The following MYOC variants were observed in gnomAD, a reference collection of about 807,000 sequenced individuals.
The protein encoded by MYOC is myocilin.
MYOC carries 29 observed loss-of-function variants against 28.2 expected under a neutral mutation model. That is an observed-to-expected ratio of 1.03 (90% CI 0.77 to 1.40). MYOC has a LOEUF of 1.40. Ranked by LOEUF, MYOC falls within the 40% of genes most tolerant of loss-of-function variation. MYOC has a pLI of 0.00. For synonymous variants in MYOC, 240 were observed against 245.6 expected (o/e 0.98, Z 0.21); for missense variants, 569 against 620.6 (o/e 0.92, Z 0.88).
intron 1 of MYOC, 47 bp from the exon 2 acceptor site, chr1:171,638,769 C>T: frequency 6.2e-7 from 1 of 1,607,196 alleles, no homozygotes; most frequent in Non-Finnish European, 8.5e-7. Flanking sequence ...AAAAAATGGC[C>T]CAAGGATTGA....
In MYOC at chr1:171,652,274, G is replaced by A; in HGVS notation, c.338C>T (p.Thr113Ile). The A allele has an allele frequency of 6.2e-7, 1 of 1,613,648 alleles. No homozygotes were observed. The highest frequency in any genetic ancestry group is 1.1e-5 in the South Asian group (1 of 91,054). ...CAGCTCCCTCTGCAGCCCCTCCTGG[G>A]TCTCCTGGGGCCTGGCAGCCTGGTC... is the stretch of plus-strand genomic sequence containing the variant. ...TLDQAARPQE[T>I]QEGLQRELGT... Residue 113 changes from threonine to isoleucine, a missense_variant, in exon 1 of 3, where the codon ACC becomes ATC. Physicochemically the swap from Thr to Ile is moderately conservative, Grantham distance 89. Transcript: ENST00000037502.
rs931483820 is a variant in MYOC, at chr1:171,640,658, C to T, written c.605-1936G>A. The stretch of plus-strand genomic sequence containing the variant: ...CTGAGGTGGGAGGATCACTTGAGAC[C>T]GGGAGGTCAAGGCTGTGGTGAGCAG... On this transcript the variant is annotated intron_variant, in intron 1 of 2. Transcript: ENST00000037502. Among the ~76,000 whole-genome samples the T allele has an allele frequency of 4.6e-5, 7 of 152,198 alleles. No homozygotes were observed. In the South Asian group the frequency reaches 8.3e-4, roughly 18 times the overall value.
chr1:171,640,834 A>G (rs1558087270), intron 1 of MYOC, among the ~76,000 whole-genome samples: 2 of 152,312 alleles, frequency 1.3e-5, no homozygotes, highest in South Asian at 4.1e-4. Flanking sequence ...CCCAGGAGGC[A>G]ATTGTCACTG....
At position 171,636,144 on chromosome 1, in the gene MYOC, G is replaced by A. The variant is rs773351548; in HGVS notation, c.1296C>T (p.Ile432=). The A allele has an allele frequency of 1.2e-6, 2 of 1,614,212 alleles. No individual in the cohort carries two copies. The highest frequency in any genetic ancestry group is 1.7e-6 in the Non-Finnish European group (2 of 1,180,038). The stretch of plus-strand genomic sequence containing the variant: ...TGCTGACGGTGTACAAGGTGCCACA[G>A]ATGATGAAGGCATTGGCGACTGACT... ...RKQSVANAFI[I]CGTLYTVSSY... is the part of the protein sequence containing the mutation. Residue 432 remains isoleucine, a synonymous_variant, in exon 3 of 3, where the codon ATC becomes ATT. Transcript: ENST00000037502.
At position 171,635,921 on chromosome 1, in the gene MYOC, C is replaced by G. The variant is rs750800370; in HGVS notation, c.*4G>C. Reference sequence around the variant, plus strand: ...TGCCATTGCCTGTACAGCTTGGAGGCTTTTCACATCTTGGAGAGCTTGATG... The same window carrying G: ...TGCCATTGCCTGTACAGCTTGGAGGGTTTTCACATCTTGGAGAGCTTGATG... On this transcript the variant is annotated 3_prime_UTR_variant, in exon 3 of 3. Coordinates refer to ENST00000037502, the MANE Select transcript of MYOC (RefSeq NM_000261.2). The G allele has an allele frequency of 2.5e-6, 4 of 1,614,048 alleles. No individual in the cohort carries two copies. The African/African-American group carries it at 5.3e-5, about 22-fold the overall frequency.
In MYOC at chr1:171,636,507, G is replaced by T. The variant is rs1268169520; in HGVS notation, c.933C>A (p.Tyr311Ter). 6.2e-7 allele frequency: 1 copy of T among 1,611,662 alleles called. No homozygotes were observed. The highest frequency in any genetic ancestry group is 1.7e-5 in the Admixed American group (1 of 59,762). Residue 311 changes from tyrosine to a stop codon, truncating the protein, a stop_gained, in exon 3 of 3, where the codon TAC (tyrosine) becomes TAA (stop). Coordinates refer to ENST00000037502, the MANE Select transcript of MYOC (RefSeq NM_000261.2). LOFTEE classifies it low-confidence loss of function (END_TRUNC). ...TAGGCAGTATGTGAACCTTAGAAGG[G>T]TAGCCCTGCATAAACTGGCTGATGA... ...YDLISQFMQG[Y>*]PSKVHILPRP... is the part of the protein sequence containing the mutation.
In MYOC at chr1:171,636,266, A is replaced by T; in HGVS notation, c.1174T>A (p.Tyr392Asn). 1 of 1,614,146 alleles carries T rather than the reference A, an allele frequency of 6.2e-7. No homozygotes were observed. The highest frequency in any genetic ancestry group is 1.1e-5 in the South Asian group (1 of 91,082). ...AVDEAGLWVI[Y>N]STDEAKGAIV... Reference sequence around the variant, plus strand: ...GCACCTTTGGCCTCATCGGTGCTGTAAATGACCCAGAGGCCTGCTTCATCC... The same window carrying T: ...GCACCTTTGGCCTCATCGGTGCTGTTAATGACCCAGAGGCCTGCTTCATCC... The change falls in exon 3 of 3, where the codon TAC (tyrosine) becomes AAC (asparagine). Residue 392 changes from tyrosine to asparagine, a missense_variant. By Grantham distance (143) the Tyr-to-Asn change is moderately radical. Transcript: ENST00000037502.
In MYOC at chr1:171,636,078, G is replaced by A; in HGVS notation, c.1362C>T (p.Asp454=). 6.2e-7 allele frequency: 1 copy of A among 1,614,208 alleles called. No homozygotes were observed. Among genetic ancestry groups the A allele is most frequent in the Non-Finnish European group, 8.5e-7 (1 of 1,180,036 alleles). ...SADATVNFAY[D]TGTGISKTLT... Reference sequence around the variant, plus strand: ...GGGTCTTGCTGATACCTGTGCCTGTGTCATAAGCAAAGTTGACGGTAGCAT... The same window carrying A: ...GGGTCTTGCTGATACCTGTGCCTGTATCATAAGCAAAGTTGACGGTAGCAT... Residue 454 remains aspartate (D), a synonymous_variant, in exon 3 of 3, where the codon GAC becomes GAT. Transcript: ENST00000037502.
intron 1 of MYOC, among the ~76,000 whole-genome samples, chr1:171,639,946 G>GGAAA (rs1448617483): frequency 2.1e-5 from 1 of 46,980 alleles, no homozygotes; most frequent in African/African-American, 9.4e-5. Context: ...TCTGTCTCAA[G>GGAAA]AAAAAAAAAA....
Position 171,651,609 on chromosome 1 carries a change from A to G in MYOC, c.604+399T>C, listed in dbSNP as rs193071689. Among the ~76,000 whole-genome samples, 42 of 152,360 alleles carry G rather than the reference A, an allele frequency of 2.8e-4. No homozygotes were observed. In the East Asian group the frequency reaches 6.4e-3, roughly 23 times the overall value. The stretch of plus-strand genomic sequence containing the variant: ...CATTTCCCAAATCTATTGTAATTTC[A>G]TAAATAAAGGTCATTTTAACATCAA... On this transcript the variant is annotated intron_variant, in intron 1 of 2. Coordinates refer to ENST00000037502, the MANE Select transcript of MYOC (RefSeq NM_000261.2).
intron 1 of MYOC, among the ~76,000 whole-genome samples, chr1:171,644,200 A>C (rs1653144708): frequency 6.6e-6 from 1 of 152,064 alleles, no homozygotes; most frequent in Non-Finnish European, 1.5e-5. Flanking sequence ...GTGGAAGAAA[A>C]CCAAAAAGAG....
At chr1:171,651,393 T>C (rs1653348308) in intron 1 of MYOC, among the ~76,000 whole-genome samples, 1 of 140,580 alleles carries the variant, frequency 7.1e-6, no homozygotes, top group South Asian at 2.3e-4. Context: ...GGGACCAGGA[T>C]GAACAGAAGA....
rs1558085955 is a variant in MYOC at position 171,636,539 on chromosome 1, A to G, written c.901T>C (p.Tyr301His). 1 of 1,609,092 alleles carries G rather than the reference A, an allele frequency of 6.2e-7. No homozygotes were observed. Residue 301 changes from tyrosine to histidine, a missense_variant, in exon 3 of 3, where the codon TAT becomes CAT. Transcript: ENST00000037502. ...TGCATAAACTGGCTGATGAGGTCAT[A>G]CTCAAAAACCTGGCGGACATCCGTG... ...VGTDVRQVFE[Y>H]DLISQFMQGY...
intron 1 of MYOC, among the ~76,000 whole-genome samples, chr1:171,641,528 T>C (rs1653076759): frequency 6.6e-6 from 1 of 152,110 alleles, no homozygotes; most frequent in African/African-American, 2.4e-5. Flanking sequence ...ATGGAGGTGG[T>C]CACAGGGTGT....
intron 2 of MYOC, among the ~76,000 whole-genome samples, chr1:171,637,905 G>T (rs1652968579): frequency 1.3e-5 from 2 of 152,196 alleles, no homozygotes. Context: ...GAGCCACCAT[G>T]CCTGGTCCAG....
At chr1:171,648,542 C>G (rs1006088016) in intron 1 of MYOC, among the ~76,000 whole-genome samples, 130 of 149,608 alleles carry the variant, frequency 8.7e-4, no homozygotes, top group African/African-American at 3.0e-3. Flanking sequence ...CAGTCCAAAG[C>G]AGGGGCTAAA....
chr1:171,641,458 G>A (rs1233925317), intron 1 of MYOC, among the ~76,000 whole-genome samples: 1 of 152,160 alleles, frequency 6.6e-6, no homozygotes, highest in Non-Finnish European at 1.5e-5. Context: ...ATCTCTAATT[G>A]TCTGGTACCA....
chr1:171,650,912 C>T (rs1377646533), intron 1 of MYOC, among the ~76,000 whole-genome samples: 1 of 152,102 alleles, frequency 6.6e-6, no homozygotes, highest in African/African-American at 2.4e-5. Context: ...AAGCATGTAT[C>T]TCCATAGAAC....
Position 171,636,278 on chromosome 1 carries a change from G to A in MYOC, c.1162C>T (p.Leu388Phe). The change falls in exon 3 of 3, where the codon CTC becomes TTC. Residue 388 changes from leucine to phenylalanine, a missense_variant. Leu to Phe is a conservative substitution (Grantham distance 22, BLOSUM62 0). Coordinates refer to ENST00000037502, the MANE Select transcript of MYOC (RefSeq NM_000261.2). ...TCATCGGTGCTGTAAATGACCCAGA[G>A]GCCTGCTTCATCCACAGCCAAGTCA... is the stretch of plus-strand genomic sequence containing the variant. The part of the protein sequence containing the change: ...DIDLAVDEAG[L>F]WVIYSTDEAK... 1 of 1,614,132 alleles carries A rather than the reference G, an allele frequency of 6.2e-7. No individual in the cohort carries two copies. Among genetic ancestry groups the A allele is most frequent in the East Asian group, 2.2e-5 (1 of 44,886 alleles).
Sources: allele counts gnomAD v4.1 joint callset (sites outside exome capture counted in the v4.1 genomes callset), GRCh38; gene constraint gnomAD v4.1.1; transcripts MANE v1.5; gene names NCBI Gene and HGNC (gene_info 2026-07-23, HGNC 2026-07-21).